The following GPD2 variants were observed in gnomAD, a reference collection of about 807,000 sequenced individuals.
GPD2 encodes glycerol-3-phosphate dehydrogenase, mitochondrial.
In GPD2, 54 loss-of-function variants were observed where a neutral mutation model predicts 82.4. The ratio of observed to expected loss-of-function variants is 0.66; its 90% CI spans 0.53 to 0.82. GPD2 has a LOEUF of 0.82. GPD2 is among the 40% of genes least tolerant of loss of function. GPD2 has a pLI of 0.00. For missense variants in GPD2, 748 were observed against 896.2 expected, an observed-to-expected ratio of 0.83 and a Z score of 2.11; for synonymous variants, 288 against 306.1, an observed-to-expected ratio of 0.94 and a Z score of 0.62.
chr2:156,475,069 C>A (rs1683458966), intron 1 of GPD2, among the ~76,000 whole-genome samples: 1 of 152,038 alleles, frequency 6.6e-6, no homozygotes, highest in African/African-American at 2.4e-5. Context: ...ATGATTGAGC[C>A]ACTGCACTCT....
chr2:156,569,214 C>T, intron 10 of GPD2, 149 bp from the exon 11 acceptor site: 2 of 692,894 alleles, frequency 2.9e-6, no homozygotes, highest in Non-Finnish European at 2.6e-6. Flanking sequence ...ATTGAACAAG[C>T]ATTTTTTTTA....
the GPD2 span, among the ~76,000 whole-genome samples, chr2:156,419,984 C>T: frequency 1.3e-5 from 2 of 152,182 alleles, no homozygotes. Context: ...ACAAATGTCA[C>T]TTGGTCCAAA....
the GPD2 span, among the ~76,000 whole-genome samples, chr2:156,429,626 T>C: frequency 6.6e-6 from 1 of 152,208 alleles, no homozygotes; most frequent in Non-Finnish European, 1.5e-5. Flanking sequence ...TCCCAGTTCT[T>C]ATAAAGCAGA....
At chr2:156,501,589 T>C (rs1401338298) in intron 3 of GPD2, among the ~76,000 whole-genome samples, 1 of 152,164 alleles carries the variant, frequency 6.6e-6, no homozygotes, top group Non-Finnish European at 1.5e-5. Flanking sequence ...TTGGAGATAG[T>C]GCATTCTGAG....
Position 156,538,437 on chromosome 2 carries a change from A to G in GPD2, c.662-11171A>G, listed in dbSNP as rs531492959. On this transcript the variant is annotated intron_variant, in intron 6 of 16. Coordinates refer to ENST00000438166, the MANE Select transcript of GPD2 (RefSeq NM_000408.5). ...CCTTAATTTATTCATTCCTATGAGA[A>G]GTGAAACATTCATGTAAAACAGATG... Among the ~76,000 whole-genome samples the G allele has an allele frequency of 5.2e-4, 79 of 152,182 alleles. 2 individuals carry two copies. The South Asian group carries it at 0.016, about 30-fold the overall frequency.
rs920763388 is a variant in GPD2 at position 156,584,844 on chromosome 2, A to G, written c.*1926A>G. ...AAATATCCCAGATGATATACACAAT[A>G]TGGTACATTTGTGCTCTCTCTCTCT... On this transcript the variant is annotated 3_prime_UTR_variant, in exon 17 of 17. Transcript: ENST00000438166. 6.2e-4 allele frequency: 94 copies of G among 152,462 alleles called. No homozygotes were observed. Among genetic ancestry groups the G allele is most frequent in the African/African-American group, 2.2e-3 (93 of 41,528 alleles). The allele number at this position is 152,462 out of a possible 1,614,324, so 9.4% of individuals were successfully genotyped here. A position where few individuals can be genotyped will look rare whatever the true frequency, so the allele number is the denominator to read the frequency against.
upstream of GPD2, among the ~76,000 whole-genome samples, chr2:156,433,304 TC>T (rs1166438187): frequency 2.0e-5 from 3 of 150,948 alleles, no homozygotes; most frequent in Non-Finnish European, 4.4e-5. Context: ...GGTTAAGGAG[TC>T]ATTCTGACGC....
the GPD2 span, among the ~76,000 whole-genome samples, chr2:156,416,212 G>GACAGGCATTTGGGTTGGTTC: frequency 3.3e-5 from 5 of 151,750 alleles, no homozygotes; most frequent in Non-Finnish European, 5.9e-5. Context: ...CTCATTGGTT[G>GACAGGCATTTGGGTTGGTTC]ACAGGCATTT....
At chr2:156,520,230 A>G (rs1438949566) in intron 6 of GPD2, among the ~76,000 whole-genome samples, 1 of 152,098 alleles carries the variant, frequency 6.6e-6, no homozygotes, top group African/African-American at 2.4e-5. Flanking sequence ...GTTTTTGAAA[A>G]AACAACATTC....
intron 1 of GPD2, among the ~76,000 whole-genome samples, chr2:156,463,456 C>T (rs1390659505): frequency 6.6e-6 from 1 of 152,150 alleles, no homozygotes; most frequent in Non-Finnish European, 1.5e-5. Context: ...ATAAATAGGA[C>T]ATTAAGATAA....
At chr2:156,543,011 C>T (rs1368162426) in intron 6 of GPD2, among the ~76,000 whole-genome samples, 1 of 152,098 alleles carries the variant, frequency 6.6e-6, no homozygotes, top group East Asian at 1.9e-4. Flanking sequence ...ATAATGTGTA[C>T]CCCCAAAAAT....
intron 6 of GPD2, among the ~76,000 whole-genome samples, chr2:156,523,577 G>A (rs1465477587): frequency 6.6e-6 from 1 of 151,892 alleles, no homozygotes; most frequent in East Asian, 1.9e-4. Context: ...TATAACAAAT[G>A]TTTTATCCAT....
In GPD2 at chr2:156,557,481, C is replaced by T. The variant is rs1687004912; in HGVS notation, c.1064C>T (p.Thr355Ile). 1.3e-6 allele frequency: 2 copies of T among 1,599,642 alleles called. No homozygotes were observed. The highest frequency in any genetic ancestry group is 1.7e-5 in the Admixed American group (1 of 59,986). ...PWQKMTIAGT[T>I]DTPTDVTHHP... The stretch of plus-strand genomic sequence containing the variant: ...CAAAAGATGACGATCGCTGGCACTA[C>T]TGATACTCCAACTGATGTTACACAC... Residue 355 changes from threonine to isoleucine, a missense_variant, in exon 9 of 17, where the codon ACT becomes ATT. Thr to Ile is a moderately conservative substitution (Grantham distance 89). This residue lies in a region of GPD2 where 692 missense variants were observed against 809.7 expected (regional missense o/e 0.85). Coordinates refer to ENST00000438166, the MANE Select transcript of GPD2 (RefSeq NM_000408.5).
the GPD2 span, among the ~76,000 whole-genome samples, chr2:156,400,791 G>A: frequency 4.6e-5 from 7 of 152,332 alleles, no homozygotes; most frequent in Admixed American, 2.0e-4. Flanking sequence ...CAGTGGTAGA[G>A]CGCGCGCTTC....
chr2:156,437,427 C>G (rs1009126225), intron 1 of GPD2, among the ~76,000 whole-genome samples: 1 of 152,192 alleles, frequency 6.6e-6, no homozygotes, highest in African/African-American at 2.4e-5. Flanking sequence ...ACTCTAGTCC[C>G]AGTCCTACAG....
chr2:156,513,264 A>T (rs1573948217), intron 5 of GPD2, 69 bp from the exon 6 acceptor site: 1 of 1,064,284 alleles, frequency 9.4e-7, no homozygotes, highest in East Asian at 2.4e-5. Flanking sequence ...AGTGTCTTGT[A>T]GTGTAAGGTA....
chr2:156,549,467 G>A (rs1686669398), intron 6 of GPD2, 141 bp from the exon 7 acceptor site: 2 of 775,786 alleles, frequency 2.6e-6, no homozygotes, highest in South Asian at 2.8e-5. Context: ...TTTAAATTGT[G>A]CCCTGTCAAG....
At chr2:156,491,638 A>G (rs752182151) in intron 2 of GPD2, among the ~76,000 whole-genome samples, 1 of 152,120 alleles carries the variant, frequency 6.6e-6, no homozygotes, top group South Asian at 2.1e-4. Context: ...ATTTTTGCCT[A>G]CAGGCTTCTG....
At chr2:156,529,040 T>G (rs2105301712) in intron 6 of GPD2, among the ~76,000 whole-genome samples, 1 of 150,490 alleles carries the variant, frequency 6.6e-6, no homozygotes, top group South Asian at 2.1e-4. Flanking sequence ...TTGAACTAGT[T>G]TACAGTCCCA....
Sources: allele counts gnomAD v4.1 joint callset (sites outside exome capture counted in the v4.1 genomes callset), GRCh38; gene constraint gnomAD v4.1.1; regional missense constraint gnomAD v4.1.1; transcripts MANE v1.5; gene names NCBI Gene and HGNC (gene_info 2026-07-23, HGNC 2026-07-21).